MYH14: variants seen among roughly 807,000 people sequenced by gnomAD.
The protein encoded by MYH14 is myosin-14.
Under a neutral mutation model 255.5 loss-of-function variants are expected in MYH14, and 123 were observed. That is an observed-to-expected ratio of 0.48 (90% CI 0.42 to 0.56). The LOEUF is 0.56. Ranked by LOEUF, MYH14 falls within the 20% of genes least tolerant of loss-of-function variation. MYH14 has a pLI of 0.00. For missense variants in MYH14, 2,423 were observed against 2,802.3 expected, an observed-to-expected ratio of 0.86 and a Z score of 3.06; for synonymous variants, 1,095 against 1,161.2, an observed-to-expected ratio of 0.94 and a Z score of 1.16.
At chr19:50,305,131 G>A (rs967714880) in intron 40 of MYH14, among the ~76,000 whole-genome samples, 1 of 152,044 alleles carries the variant, frequency 6.6e-6, no homozygotes, top group Non-Finnish European at 1.5e-5. Context: ...GGAGGGACAC[G>A]GCCAGCTCTA....
At position 50,299,671 on chromosome 19, in the gene MYH14, G is replaced by A. The variant is rs376145427; in HGVS notation, c.5470-1990G>A. Among the ~76,000 whole-genome samples, 14 of 152,038 alleles carry A rather than the reference G, an allele frequency of 9.2e-5. No homozygotes were observed. The East Asian group carries it at 2.1e-3, about 23-fold the overall frequency. On this transcript the variant is annotated intron_variant, in intron 39 of 42. Transcript: ENST00000642316. ...TTAAAAGACATATATCTGGCCGGGC[G>A]TGATGGCTCACGCCTATAATCCTAG... is the stretch of plus-strand genomic sequence containing the variant.
intron 15 of MYH14, among the ~76,000 whole-genome samples, chr19:50,251,106 C>G (rs73061152): frequency 0.073 from 11,038 of 152,144 alleles, 519 homozygotes; most frequent in Admixed American, 0.13. Context: ...GTTAATAGGT[C>G]TTTCAGTGGA....
At chr19:50,263,441 T>G in intron 22 of MYH14, 21 bp downstream of exon 22, 1 of 1,551,252 alleles carries the variant, frequency 6.4e-7, no homozygotes, top group Non-Finnish European at 8.8e-7. Flanking sequence ...CCTGGGGAGG[T>G]GGCCCCAGTA....
At chr19:50,212,862 G>A (rs1471617450) in intron 2 of MYH14, among the ~76,000 whole-genome samples, 2 of 152,120 alleles carry the variant, frequency 1.3e-5, no homozygotes, top group Non-Finnish European at 2.9e-5. Flanking sequence ...TGGAAAAGAG[G>A]CCTCTACATG....
chr19:50,279,763 G>A lies in MYH14; in HGVS notation c.4033-274G>A, dbSNP rs138357242. On this transcript the variant is annotated intron_variant, in intron 30 of 42. Transcript: ENST00000642316. ...ATTGATGGACATTGGGGCTGTTCCCGCCTCTTGGCGATGGTGAGTAATGCC... is the reference window on the plus strand; with the variant it reads ...ATTGATGGACATTGGGGCTGTTCCCACCTCTTGGCGATGGTGAGTAATGCC... Among the ~76,000 whole-genome samples, 4 of 152,358 alleles carry A rather than the reference G, an allele frequency of 2.6e-5. No homozygotes were observed. The South Asian group carries it at 6.2e-4, about 24-fold the overall frequency.
chr19:50,261,745 G>A (rs1389091759), intron 21 of MYH14, 110 bp downstream of exon 21: 10 of 1,093,910 alleles, frequency 9.1e-6, no homozygotes, highest in African/African-American at 1.7e-5. Context: ...CAGGGCTGAG[G>A]AGCAGGTGGA....
rs1016164735 is a variant in MYH14 at position 50,221,343 on chromosome 19, A to G, written c.563-1740A>G. On this transcript the variant is annotated intron_variant, in intron 3 of 42. Coordinates refer to ENST00000642316, the MANE Select transcript of MYH14 (RefSeq NM_001145809.2). The surrounding 1 kb of genome is among the most constrained non-coding windows in gnomAD (Gnocchi z 5.3). ...GCAGCCGGGCGGTGAACCTGTGTGC[A>G]TATAGTCCCCCATACCAGGCTGCCA... 6.6e-6 allele frequency among the ~76,000 whole-genome samples: 1 copy of G among 152,150 alleles called. No homozygotes were observed. Among genetic ancestry groups the G allele is most frequent in the South Asian group, 2.1e-4 (1 of 4,828 alleles).
rs563785289 is a variant in MYH14, at chr19:50,260,907, T to G, written c.2424+192T>G. The stretch of plus-strand genomic sequence containing the variant: ...TGTGCATGTGTGTGTGTGCATGCGT[T>G]TGTGTGCAGGGGCCCAGGTGGTCGG... On this transcript the variant is annotated intron_variant, in intron 20 of 42. Coordinates refer to ENST00000642316, the MANE Select transcript of MYH14 (RefSeq NM_001145809.2). Among the ~76,000 whole-genome samples the G allele has an allele frequency of 7.3e-5, 11 of 151,004 alleles. No homozygotes were observed. Among genetic ancestry groups the G allele is most frequent in the East Asian group, 2.0e-4 (1 of 5,088 alleles).
intron 3 of MYH14, 113 bp downstream of exon 3, chr19:50,217,884 G>C: frequency 7.5e-7 from 1 of 1,338,888 alleles, no homozygotes; most frequent in Non-Finnish European, 1.0e-6. Context: ...ACTTGACTCT[G>C]TAGGGCTTCT....
rs1033056726 is a variant in MYH14 at position 50,250,201 on chromosome 19, C to T, written c.1657-314C>T. Among the ~76,000 whole-genome samples, 8 of 146,316 alleles carry T rather than the reference C, an allele frequency of 5.5e-5. No individual in the cohort carries two copies. Among genetic ancestry groups the T allele is most frequent in the Admixed American group, 3.5e-4 (5 of 14,118 alleles). ...CTGCAAGCTTCGCCCCCTGGGTTCA[C>T]GCCATTCTCCTGCCTCAGCCTCCCG... On this transcript the variant is annotated intron_variant, in intron 14 of 42. Coordinates refer to ENST00000642316, the MANE Select transcript of MYH14 (RefSeq NM_001145809.2). The surrounding 1 kb of genome is among the most constrained non-coding windows in gnomAD (Gnocchi z 5.4).
chr19:50,246,230 C>T (rs1159510570), intron 11 of MYH14, among the ~76,000 whole-genome samples: 2 of 151,752 alleles, frequency 1.3e-5, no homozygotes, highest in African/African-American at 4.8e-5. Flanking sequence ...ACCTCTACCT[C>T]CTGGGTTCAA....
chr19:50,249,202 G>T, intron 13 of MYH14, 63 bp downstream of exon 13: 1 of 1,484,898 alleles, frequency 6.7e-7, no homozygotes. Flanking sequence ...CCTTTCTGAA[G>T]CCCTGGGTCT....
chr19:50,289,277 G>T (rs2035987815), intron 34 of MYH14, among the ~76,000 whole-genome samples, 159 bp from the exon 35 acceptor site: 1 of 152,146 alleles, frequency 6.6e-6, no homozygotes, highest in Non-Finnish European at 1.5e-5. Context: ...CTAGGAAGGA[G>T]CCGTTCAGCA....
At position 50,260,828 on chromosome 19, in the gene MYH14, T is replaced by TGC. The variant is rs1455560459; in HGVS notation, c.2424+114_2424+115insCG. ...GTGCATGCGTGTGTGTGCAAGTGTG[T>TGC]GTGCATGCACGTGTGTGCGTGTGTG... On this transcript the variant is annotated intron_variant, in intron 20 of 42. Coordinates refer to ENST00000642316, the MANE Select transcript of MYH14 (RefSeq NM_001145809.2). The TGC allele has an allele frequency of 2.2e-4, 169 of 779,504 alleles. No individual in the cohort carries two copies. In the African/African-American group the frequency reaches 2.6e-3, roughly 12 times the overall value. 48.3% of individuals were successfully genotyped at this position (779,504 alleles called of 1,614,324 possible).
intron 27 of MYH14, among the ~76,000 whole-genome samples, chr19:50,275,572 ATC>A (rs1373086300): frequency 1.3e-5 from 2 of 152,106 alleles, no homozygotes; most frequent in East Asian, 3.9e-4. Context: ...CACTCCTGCA[ATC>A]CCAGCACTTT....
chr19:50,274,917 C>T lies in MYH14; in HGVS notation c.3468-1074C>T, dbSNP rs1476354578. Among the ~76,000 whole-genome samples the T allele has an allele frequency of 2.7e-5, 4 of 146,246 alleles. No homozygotes were observed. In the South Asian group the frequency reaches 6.8e-4, roughly 25 times the overall value. ...CTGCACTCTGGTCTAGGTGACAGAACGAGACCCTCTCTCTCAAAAAAAAAA... is the reference window on the plus strand; with the variant it reads ...CTGCACTCTGGTCTAGGTGACAGAATGAGACCCTCTCTCTCAAAAAAAAAA... On this transcript the variant is annotated intron_variant, in intron 27 of 42. Coordinates refer to ENST00000642316, the MANE Select transcript of MYH14 (RefSeq NM_001145809.2).
chr19:50,286,265 T>C, intron 33 of MYH14: 1 of 472,814 alleles, frequency 2.1e-6, no homozygotes, highest in East Asian at 3.0e-5. Flanking sequence ...CTGTTGAACA[T>C]ATAGAGTTAG....
chr19:50,275,841 GTAC>G, intron 27 of MYH14, 147 bp from the exon 28 acceptor site: 2 of 637,952 alleles, frequency 3.1e-6, no homozygotes, highest in Non-Finnish European at 5.6e-6. Flanking sequence ...ACTTAAATTA[GTAC>G]TGCAGCCAAG....
chr19:50,221,331 G>T lies in MYH14; in HGVS notation c.563-1752G>T, dbSNP rs968842272. On this transcript the variant is annotated intron_variant, in intron 3 of 42. Coordinates refer to ENST00000642316, the MANE Select transcript of MYH14 (RefSeq NM_001145809.2). The surrounding 1 kb of genome is among the most constrained non-coding windows in gnomAD (Gnocchi z 5.3). ...CAAGTCAGAGAGGCAGCCGGGCGGT[G>T]AACCTGTGTGCATATAGTCCCCCAT... Among the ~76,000 whole-genome samples, 1 of 152,090 alleles carries T rather than the reference G, an allele frequency of 6.6e-6. No individual in the cohort carries two copies. Among genetic ancestry groups the T allele is most frequent in the Non-Finnish European group, 1.5e-5 (1 of 68,038 alleles).
Sources: gnomAD v4.1 joint callset for allele counts (sites outside exome capture counted in the v4.1 genomes callset) on GRCh38, gnomAD v4.1.1 for gene constraint, Gnocchi (gnomAD v3.1) non-coding constraint, MANE v1.5 for transcripts, NCBI Gene and HGNC (gene_info 2026-07-23, HGNC 2026-07-21) for gene names.